Variants in POU6F2 observed in about 807,000 individuals in gnomAD.
POU6F2 encodes the protein POU class 6 homeobox 2.
In POU6F2, 31 loss-of-function variants were observed where a neutral mutation model predicts 71.3. The observed-to-expected ratio is 0.43, with a 90% CI of 0.33 to 0.59. The LOEUF (loss-of-function observed/expected upper bound fraction) is 0.59, where lower values mean the gene tolerates loss of function less well. Among genes scored for constraint, POU6F2 ranks in the 20% least tolerant of loss-of-function variants. The pLI, the probability that POU6F2 is intolerant of heterozygous loss-of-function variation, is 0.04. For missense variants in POU6F2, 783 were observed against 856.8 expected (o/e 0.91, Z 1.07); for synonymous variants, 347 against 355.7 (o/e 0.98, Z 0.27).
chr7:39,371,263 T>C (rs1021580093), intron 5 of POU6F2, among the ~76,000 whole-genome samples: 2 of 151,512 alleles, frequency 1.3e-5, no homozygotes, highest in Middle Eastern at 3.4e-3. Context: ...CACTGCAACC[T>C]CCGCCTCCCG....
chr7:39,446,519 G>A (rs376576607), intron 7 of POU6F2, among the ~76,000 whole-genome samples: 6 of 152,122 alleles, frequency 3.9e-5, no homozygotes, highest in South Asian at 2.1e-4. Context: ...CATTATTAAC[G>A]ATATACCGCA....
chr7:39,275,105 C>T (rs1784411617), intron 4 of POU6F2, among the ~76,000 whole-genome samples: 1 of 152,070 alleles, frequency 6.6e-6, no homozygotes, highest in South Asian at 2.1e-4. Context: ...AACAGGAAGT[C>T]AGATTGTCCC....
chr7:39,350,101 G>T (rs1017371351), intron 5 of POU6F2, among the ~76,000 whole-genome samples: 1 of 152,184 alleles, frequency 6.6e-6, no homozygotes, highest in South Asian at 2.1e-4. Flanking sequence ...AGCCCGTTTT[G>T]TCTGAACTGT....
At chr7:39,130,828 C>G (rs976439236) in intron 2 of POU6F2, among the ~76,000 whole-genome samples, 1 of 152,138 alleles carries the variant, frequency 6.6e-6, no homozygotes, top group African/African-American at 2.4e-5. Context: ...TCTGAAAAGT[C>G]ACTGTTTAAT....
At chr7:38,991,313 A>C (rs1788597825) in intron 1 of POU6F2, among the ~76,000 whole-genome samples, 1 of 152,076 alleles carries the variant, frequency 6.6e-6, no homozygotes. Flanking sequence ...CCCTTTCTTT[A>C]ATTTCTTAGT....
chr7:39,377,038 T>C (rs1482394255), intron 5 of POU6F2, among the ~76,000 whole-genome samples: 1 of 148,218 alleles, frequency 6.7e-6, no homozygotes, highest in Non-Finnish European at 1.5e-5. Flanking sequence ...ATAAAGTGAA[T>C]TAAAATCAAT....
chr7:39,464,770 A>G lies in POU6F2; in HGVS notation c.*84A>G. The G allele has an allele frequency of 7.2e-7, 1 of 1,386,918 alleles. No individual in the cohort carries two copies. The highest frequency in any genetic ancestry group is 1.5e-5 in the South Asian group (1 of 67,288). The allele number at this position is 1,386,918 out of a possible 1,614,324, so 85.9% of individuals were successfully genotyped here. Reference sequence around the variant, plus strand: ...ACTCCACAACAACAACAACAACAAAATTTAATTTAATTTAAAAATAGCCCC... The same window carrying G: ...ACTCCACAACAACAACAACAACAAAGTTTAATTTAATTTAAAAATAGCCCC... On this transcript the variant is annotated 3_prime_UTR_variant, in exon 10 of 10. Transcript: ENST00000518318. This position sits in a 1 kb window ranked among gnomAD's most constrained non-coding sequence, Gnocchi z 4.1.
chr7:39,373,577 G>A lies in POU6F2; in HGVS notation c.973-33023G>A, dbSNP rs1278032199. The A allele has an allele frequency of 8.8e-6, 4 of 456,146 alleles. No homozygotes were observed. In the East Asian group the frequency reaches 2.8e-4, roughly 32 times the overall value. The allele number at this position is 456,146 out of a possible 1,614,324, so 28.3% of individuals were successfully genotyped here. On this transcript the variant is annotated intron_variant, in intron 5 of 9. Transcript: ENST00000518318. ...ATTCAGAACCAAGCACACAGAAAGT[G>A]GAGAACTGCCTACCTAGTCTAGCTA...
chr7:39,236,042 A>G (rs543980553), intron 4 of POU6F2, among the ~76,000 whole-genome samples: 2 of 152,312 alleles, frequency 1.3e-5, no homozygotes, highest in Admixed American at 1.3e-4. Context: ...TCTTTGGTTA[A>G]GTAGCAAAAT....
At chr7:39,363,351 G>A (rs181940297) in intron 5 of POU6F2, among the ~76,000 whole-genome samples, 14 of 152,224 alleles carry the variant, frequency 9.2e-5, no homozygotes, top group Admixed American at 6.5e-4. Flanking sequence ...AAGACAGTGA[G>A]AAGAGAAGGT....
At chr7:39,159,043 T>C (rs1318696778) in intron 2 of POU6F2, among the ~76,000 whole-genome samples, 1 of 150,892 alleles carries the variant, frequency 6.6e-6, no homozygotes, top group Non-Finnish European at 1.5e-5. Context: ...CCAGGTGTGG[T>C]GGTGCGTGCC....
At chr7:39,179,478 T>C (rs1476981163) in intron 2 of POU6F2, among the ~76,000 whole-genome samples, 1 of 152,234 alleles carries the variant, frequency 6.6e-6, no homozygotes, top group Non-Finnish European at 1.5e-5. Flanking sequence ...CTAAGCCCAA[T>C]TGAATCTTTG....
At chr7:39,366,843 A>G (rs997728885) in intron 5 of POU6F2, among the ~76,000 whole-genome samples, 1 of 152,060 alleles carries the variant, frequency 6.6e-6, no homozygotes, top group Admixed American at 6.6e-5. Context: ...ATGGGAAAAG[A>G]TGTGCGGATG....
At chr7:39,021,407 G>C (rs923902527) in intron 1 of POU6F2, among the ~76,000 whole-genome samples, 2 of 151,664 alleles carry the variant, frequency 1.3e-5, no homozygotes, top group Admixed American at 6.6e-5. Flanking sequence ...TCTATTTATA[G>C]CCTTACTCCA....
At chr7:39,279,102 C>T (rs1784514064) in intron 4 of POU6F2, among the ~76,000 whole-genome samples, 1 of 152,190 alleles carries the variant, frequency 6.6e-6, no homozygotes. Context: ...CACGGCCATT[C>T]AGAATCGGCT....
intron 4 of POU6F2, among the ~76,000 whole-genome samples, chr7:39,250,107 G>A (rs544474583): frequency 1.2e-4 from 19 of 152,230 alleles, no homozygotes; most frequent in African/African-American, 4.3e-4. Context: ...GGCAGCCCGC[G>A]TGCAATTTTA....
intron 1 of POU6F2, among the ~76,000 whole-genome samples, chr7:38,998,838 T>G (rs2568689): frequency 0.12 from 16,606 of 141,266 alleles, 870 homozygotes; most frequent in East Asian, 0.13. Flanking sequence ...TTTTTTTTTT[T>G]TATTTTCAGT....
chr7:39,250,340 G>A (rs1010856664), intron 4 of POU6F2, among the ~76,000 whole-genome samples: 3 of 152,110 alleles, frequency 2.0e-5, no homozygotes, highest in African/African-American at 7.2e-5. Flanking sequence ...GTTCTGTTGG[G>A]GATGTCATTT....
chr7:39,179,551 G>GCA (rs369886088), intron 2 of POU6F2, among the ~76,000 whole-genome samples: 110 of 151,622 alleles, frequency 7.3e-4, no homozygotes, highest in Middle Eastern at 3.4e-3. Context: ...ACACACACAC[G>GCA]CACACAGTCT....
Sources: gnomAD v4.1 joint callset for allele counts (sites outside exome capture counted in the v4.1 genomes callset) on GRCh38, gnomAD v4.1.1 for gene constraint, Gnocchi (gnomAD v3.1) non-coding constraint, MANE v1.5 for transcripts, NCBI Gene and HGNC (gene_info 2026-07-23, HGNC 2026-07-21) for gene names.